THBS4: variants seen among roughly 807,000 people sequenced by gnomAD.
THBS4 encodes the protein thrombospondin 4.
In THBS4, 90 loss-of-function variants were observed where a neutral mutation model predicts 115.7. The ratio of observed to expected loss-of-function variants is 0.78; its 90% CI spans 0.66 to 0.93. The LOEUF (loss-of-function observed/expected upper bound fraction) is 0.93, where lower values mean the gene tolerates loss of function less well. THBS4 is among the 40% of genes least tolerant of loss of function. The probability of loss-of-function intolerance (pLI) is 0.00; values close to 1 mark genes in which losing one functional copy is unlikely to be tolerated. For synonymous variants in THBS4, 460 were observed against 479.3 expected, an observed-to-expected ratio of 0.96 and a Z score of 0.53; for missense variants, 1,087 against 1,232.7, an observed-to-expected ratio of 0.88 and a Z score of 1.77.
intron 20 of THBS4, chr5:80,081,932 T>C (rs1479737144): frequency 1.3e-5 from 2 of 153,732 alleles, no homozygotes; most frequent in African/African-American, 4.8e-5. Context: ...ACTTAGGGAG[T>C]GCTGTCTCCT....
intron 1 of THBS4, among the ~76,000 whole-genome samples, chr5:80,036,843 T>C (rs1283803275): frequency 1.3e-5 from 2 of 152,206 alleles, no homozygotes. Context: ...TTTTTCCTCT[T>C]GTAGCCAGAG....
intron 1 of THBS4, among the ~76,000 whole-genome samples, chr5:79,994,381 T>A (rs775061254): frequency 1.1e-4 from 17 of 152,170 alleles, no homozygotes; most frequent in Admixed American, 2.0e-4. Context: ...TCCTGTGTAG[T>A]CCATTAAAAA....
intron 8 of THBS4, among the ~76,000 whole-genome samples, chr5:80,062,695 C>T (rs1395519623): frequency 3.3e-5 from 5 of 152,156 alleles, no homozygotes; most frequent in Non-Finnish European, 7.3e-5. Flanking sequence ...TCCCCCTACC[C>T]CATGACAGGC....
chr5:79,999,430 CCT>C (rs1345641839), intron 2 of THBS4, among the ~76,000 whole-genome samples: 1 of 152,094 alleles, frequency 6.6e-6, no homozygotes, highest in Non-Finnish European at 1.5e-5. Context: ...TCACATGCCT[CCT>C]TTTTTTATGG....
chr5:80,015,470 C>A (rs1209099904), intron 2 of THBS4, among the ~76,000 whole-genome samples: 2 of 152,168 alleles, frequency 1.3e-5, no homozygotes, highest in East Asian at 3.8e-4. Flanking sequence ...CCTTTGAGGG[C>A]AGTGAGATCA....
chr5:80,059,506 A>G lies in THBS4; in HGVS notation c.784+15A>G, dbSNP rs764728407. On this transcript the variant is annotated intron_variant, in intron 6 of 21. Coordinates refer to ENST00000350881, the MANE Select transcript of THBS4 (RefSeq NM_003248.6). ...CCAGGCTTGCGGTAAGTGCTTTTCT[A>G]GTAATGGGCTCGCCTGAGTTGGATG... 48 of 1,613,962 alleles carry G rather than the reference A, an allele frequency of 3.0e-5. No individual in the cohort carries two copies. The South Asian group carries it at 4.8e-4, about 16-fold the overall frequency.
intron 11 of THBS4, 52 bp from the exon 12 acceptor site, chr5:80,070,591 C>T: frequency 6.4e-7 from 1 of 1,557,510 alleles, no homozygotes; most frequent in East Asian, 2.2e-5. Context: ...GAAACAGTTA[C>T]TGGCTTAACA....
intron 2 of THBS4, among the ~76,000 whole-genome samples, chr5:80,018,495 A>G (rs770063522): frequency 6.7e-6 from 1 of 149,104 alleles, no homozygotes; most frequent in East Asian, 2.0e-4. Flanking sequence ...CCTGGGTTCA[A>G]TTGATTCTCC....
rs192906657 is a variant in THBS4 at position 80,044,482 on chromosome 5, G to A, written c.292+4202G>A. On this transcript the variant is annotated intron_variant, in intron 2 of 21. Transcript: ENST00000350881. The stretch of plus-strand genomic sequence containing the variant: ...CTGTCACCCAGGCTGGAGTGCAGTC[G>A]CTAGATATCGGCTCACTGCAGCCTC... Among the ~76,000 whole-genome samples, 153 of 152,216 alleles carry A rather than the reference G, an allele frequency of 1.0e-3. 2 individuals carry two copies. The highest frequency in any genetic ancestry group is 2.1e-4 in the Non-Finnish European group (14 of 67,992).
chr5:80,014,896 T>C (rs990765738), intron 2 of THBS4, among the ~76,000 whole-genome samples: 1 of 152,224 alleles, frequency 6.6e-6, no homozygotes, highest in African/African-American at 2.4e-5. Context: ...CAAACCTTAT[T>C]GTGTATAGAA....
At chr5:80,076,750 C>A in intron 15 of THBS4, 105 bp from the exon 16 acceptor site, 1 of 1,216,804 alleles carries the variant, frequency 8.2e-7, no homozygotes, top group Non-Finnish European at 1.1e-6. Flanking sequence ...TAAGAGCCAA[C>A]CCTGGTTTAA....
Position 80,015,561 on chromosome 5 carries a change from C to T in THBS4, n.177+17134C>T, listed in dbSNP as rs188089821. 1.6e-3 allele frequency among the ~76,000 whole-genome samples: 238 copies of T among 152,332 alleles called. 2 individuals are homozygous for T. The highest frequency in any genetic ancestry group is 5.2e-3 in the African/African-American group (218 of 41,566). Reference sequence around the variant, plus strand: ...TCCCTATGCCTTTTGGAACATTTCTCCCTCTGATAAGAAACCTCCTTATAA... The same window carrying T: ...TCCCTATGCCTTTTGGAACATTTCTTCCTCTGATAAGAAACCTCCTTATAA... On this transcript the variant is annotated intron_variant and non_coding_transcript_variant, in intron 2 of 3. Coordinates refer to the THBS4 transcript ENST00000510218.
rs1561323272 is a variant in THBS4 at position 80,070,388 on chromosome 5, G to A, written c.1430G>A (p.Cys477Tyr). 1 of 1,614,004 alleles carries A rather than the reference G, an allele frequency of 6.2e-7. No homozygotes were observed. Among genetic ancestry groups the A allele is most frequent in the Non-Finnish European group, 8.5e-7 (1 of 1,179,942 alleles). ...IDSYPDEELP[C>Y]SARNCKKDNC... ...AGTTACCCCGACGAAGAACTGCCAT[G>A]CTCTGCCAGGAACTGTAAAAAGGTA... Residue 477 changes from cysteine (C) to tyrosine (Y), a missense_variant, in exon 11 of 22, where the codon TGC (cysteine) becomes TAC (tyrosine). Around this residue, in one of 3 missense-constraint regions of THBS4, gnomAD observed 979 missense variants for 1,103.7 expected, o/e 0.89. Coordinates refer to ENST00000350881, the MANE Select transcript of THBS4 (RefSeq NM_003248.6).
At position 80,071,125 on chromosome 5, in the gene THBS4, A is replaced by T. The variant is rs765060276; in HGVS notation, c.1665A>T (p.Lys555Asn). Reference protein sequence around the residue: ...NCLSVLNNDQKDTDGDGRGDA... With the variant: ...NCLSVLNNDQNDTDGDGRGDA... ...TGAGTGTCTTAAATAACGACCAGAAAGACACCGATGGGGATGGAAGAGGAG... is the reference window on the plus strand; with the variant it reads ...TGAGTGTCTTAAATAACGACCAGAATGACACCGATGGGGATGGAAGAGGAG... Residue 555 changes from lysine to asparagine, a missense_variant, in exon 13 of 22, where the codon AAA becomes AAT. This residue lies in a region of THBS4 where 979 missense variants were observed against 1,103.7 expected (regional missense o/e 0.89). Coordinates refer to ENST00000350881, the MANE Select transcript of THBS4 (RefSeq NM_003248.6). The T allele has an allele frequency of 1.2e-6, 2 of 1,608,994 alleles. No individual in the cohort carries two copies. Among genetic ancestry groups the T allele is most frequent in the African/African-American group, 1.3e-5 (1 of 74,670 alleles).
At position 80,077,012 on chromosome 5, in the gene THBS4, C is replaced by T. The variant is rs200770255; in HGVS notation, c.2050C>T (p.Arg684Trp). 1.2e-4 allele frequency: 195 copies of T among 1,611,412 alleles called. No homozygotes were observed. The highest frequency in any genetic ancestry group is 1.6e-4 in the Non-Finnish European group (189 of 1,178,628). The stretch of plus-strand genomic sequence containing the variant: ...GGTGCCCCCTGGACCAGACAACTGC[C>T]GGCTGGTCCCCAACCCAGCCCAGGA... ...DLVPPGPDNC[R>W]LVPNPAQEDS... is the part of the protein sequence containing the mutation. Residue 684 changes from arginine (R) to tryptophan (W), a missense_variant, in exon 16 of 22, where the codon CGG (arginine) becomes TGG (tryptophan). Transcript: ENST00000350881.
In THBS4 at chr5:80,072,287, A is replaced by T. The variant is rs754255120; in HGVS notation, c.1730A>T (p.Asn577Ile). 2 of 1,614,132 alleles carry T rather than the reference A, an allele frequency of 1.2e-6. No individual in the cohort carries two copies. Among genetic ancestry groups the T allele is most frequent in the East Asian group, 2.2e-5 (1 of 44,890 alleles). The change falls in exon 14 of 22, where the codon AAC becomes ATC. Residue 577 changes from asparagine (N) to isoleucine (I), a missense_variant. Asn to Ile is a moderately radical substitution (Grantham distance 149). Around this residue, in one of 3 missense-constraint regions of THBS4, gnomAD observed 979 missense variants for 1,103.7 expected, o/e 0.89. Transcript: ENST00000350881. ...CATTTCTTTCTCACAGGAATAAAAA[A>T]CATTCTGGACAACTGCCCAAAATTT... is the stretch of plus-strand genomic sequence containing the variant. ...DDDMDGDGIK[N>I]ILDNCPKFPN...
intron 2 of THBS4, among the ~76,000 whole-genome samples, chr5:80,054,068 G>A (rs944471230): frequency 2.2e-4 from 33 of 151,750 alleles, no homozygotes; most frequent in African/African-American, 7.0e-4. Context: ...TACCCACATA[G>A]GAAAAACAAA....
chr5:80,019,041 GTT>G (rs537532061), intron 2 of THBS4, among the ~76,000 whole-genome samples: 3 of 134,992 alleles, frequency 2.2e-5, no homozygotes, highest in Admixed American at 7.3e-5. Flanking sequence ...CTCTGTGATT[GTT>G]TTTTTTTTTT....
In THBS4 at chr5:80,061,741, C is replaced by T. The variant is rs1338971269; in HGVS notation, c.1034C>T (p.Ser345Phe). Residue 345 changes from serine (S) to phenylalanine (F), a missense_variant, in exon 8 of 22, where the codon TCT becomes TTT. Physicochemically the swap from Ser to Phe is radical, Grantham distance 155 (BLOSUM62 -2). This residue lies in a region of THBS4 where 979 missense variants were observed against 1,103.7 expected (regional missense o/e 0.89). Coordinates refer to ENST00000350881, the MANE Select transcript of THBS4 (RefSeq NM_003248.6). ...CCGGGCGTGCACTGCATAAATTTGT[C>T]TCCTGGCTTCAGATGTGACGCCTGC... ...CYPGVHCINL[S>F]PGFRCDACPV... 1 of 1,614,156 alleles carries T rather than the reference C, an allele frequency of 6.2e-7. No individual in the cohort carries two copies.
Sources: allele counts gnomAD v4.1 joint callset (sites outside exome capture counted in the v4.1 genomes callset), GRCh38; gene constraint gnomAD v4.1.1; regional missense constraint gnomAD v4.1.1; transcripts MANE v1.5; gene names NCBI Gene and HGNC (gene_info 2026-07-23, HGNC 2026-07-21).